AFMID: variants seen among roughly 807,000 people sequenced by gnomAD.
AFMID encodes the protein kynurenine formamidase.
A neutral mutation model predicts 47.5 loss-of-function variants in AFMID; 39 were observed. That is an observed-to-expected ratio of 0.82 (90% CI 0.64 to 1.07). The LOEUF is 1.07. AFMID is among the 50% of genes least tolerant of loss of function. The pLI, the probability that AFMID is intolerant of heterozygous loss-of-function variation, is 0.00. For missense variants in AFMID, 375 were observed against 387.5 expected, an observed-to-expected ratio of 0.97 and a Z score of 0.27; for synonymous variants, 130 against 153.2, an observed-to-expected ratio of 0.85 and a Z score of 1.12.
At chr17:78,193,391 A>T (rs1598991524) in intron 2 of AFMID, among the ~76,000 whole-genome samples, 1 of 135,368 alleles carries the variant, frequency 7.4e-6, no homozygotes, top group East Asian at 2.1e-4. Context: ...AAAAAAAAAA[A>T]AAAAAAAGCT....
At chr17:78,190,218 C>T (rs766826877) in intron 1 of AFMID, among the ~76,000 whole-genome samples, 1 of 151,866 alleles carries the variant, frequency 6.6e-6, no homozygotes, top group Non-Finnish European at 1.5e-5. Flanking sequence ...GTTAGCCCGA[C>T]ATTCACCGCC....
rs750525725 is a variant in AFMID at position 78,206,972 on chromosome 17, C to G, written c.*35C>G. ...TACTTGGAGCCTGGTCCACGTGCAT[C>G]CCACCTTGGGAAGCCTCTCCAAAGA... is the stretch of plus-strand genomic sequence containing the variant. On this transcript the variant is annotated 3_prime_UTR_variant, in exon 11 of 11. Transcript: ENST00000409257. The G allele has an allele frequency of 2.5e-5, 41 of 1,611,600 alleles. No homozygotes were observed. Among genetic ancestry groups the G allele is most frequent in the Non-Finnish European group, 3.4e-5 (40 of 1,177,872 alleles).
chr17:78,205,744 C>G lies in AFMID; in HGVS notation c.780+6C>G, dbSNP rs1194483665. 1 of 1,608,248 alleles carries G rather than the reference C, an allele frequency of 6.2e-7. No individual in the cohort carries two copies. The highest frequency in any genetic ancestry group is 8.5e-7 in the Non-Finnish European group (1 of 1,179,996). ...AGTCCTGGGAGTTTTACCAGGTACTCCCAGTGCAGGTTTGTGGCCAGAGGT... is the reference window on the plus strand; with the variant it reads ...AGTCCTGGGAGTTTTACCAGGTACTGCCAGTGCAGGTTTGTGGCCAGAGGT... On this transcript the variant is annotated splice_donor_region_variant and intron_variant, in intron 9 of 10. Coordinates refer to ENST00000409257, the MANE Select transcript of AFMID (RefSeq NM_001010982.5).
chr17:78,189,219 C>CTTT (rs770863206), intron 1 of AFMID, among the ~76,000 whole-genome samples: 8,255 of 122,602 alleles, frequency 0.067, 784 homozygotes, highest in East Asian at 0.2. Flanking sequence ...TTCCTTGTTA[C>CTTT]TTTTTTTTTT....
intron 7 of AFMID, 24 bp downstream of exon 7, chr17:78,205,214 G>T (rs757948142): frequency 6.9e-6 from 11 of 1,597,284 alleles, no homozygotes; most frequent in Non-Finnish European, 9.4e-6. Flanking sequence ...CTACAGCCTG[G>T]CTGGGCAACC....
chr17:78,197,080 C>A, intron 2 of AFMID: 1 of 1,411,324 alleles, frequency 7.1e-7, no homozygotes, highest in Non-Finnish European at 9.8e-7. Context: ...GGCCATTCCA[C>A]TTAGAACATA....
Position 78,207,012 on chromosome 17 carries a change from C to T in AFMID, c.*75C>T. 8 of 1,492,420 alleles carry T rather than the reference C, an allele frequency of 5.4e-6. No homozygotes were observed. Among genetic ancestry groups the T allele is most frequent in the Middle Eastern group, 1.7e-4 (1 of 5,744 alleles). The allele number at this position is 1,492,420 out of a possible 1,614,324, so 92.4% of individuals were successfully genotyped here. A position where few individuals can be genotyped will look rare whatever the true frequency, so the allele number is the denominator to read the frequency against. On this transcript the variant is annotated 3_prime_UTR_variant, in exon 11 of 11. Transcript: ENST00000409257. ...CTCTCCAAAGAGCTTTCGGAGCTGA[C>T]ACTGACAGCTTCAGTTTCCCCCAGC...
Position 78,198,639 on chromosome 17 carries a change from C to CA in AFMID, c.155-3840dup, listed in dbSNP as rs57503318. Among the ~76,000 whole-genome samples the CA allele has an allele frequency of 5.3e-3, 617 of 116,710 alleles. 5 individuals are homozygous for CA. The highest frequency in any genetic ancestry group is 0.014 in the South Asian group (55 of 3,820). The allele number at this position is 116,710 out of a possible 152,430, so 76.6% of individuals were successfully genotyped here. On this transcript the variant is annotated intron_variant, in intron 2 of 10. Transcript: ENST00000409257. Reference sequence around the variant, plus strand: ...GGGTGACAAGAGCAAAGCTCTGTCTCAAAAAAAAAAAAAAAAAAAATTAGA... The same window carrying CA: ...GGGTGACAAGAGCAAAGCTCTGTCTCAAAAAAAAAAAAAAAAAAAAATTAGA...
At chr17:78,193,927 GA>G (rs2076041684) in intron 2 of AFMID, among the ~76,000 whole-genome samples, 1 of 147,862 alleles carries the variant, frequency 6.8e-6, no homozygotes, top group Admixed American at 6.8e-5. Flanking sequence ...AGTGAGCTGA[GA>G]TCATGCCACT....
chr17:78,187,536 T>G, intron 1 of AFMID, 103 bp downstream of exon 1: 1 of 1,357,392 alleles, frequency 7.4e-7, no homozygotes, highest in Non-Finnish European at 1.0e-6. Context: ...AGAGCACTCC[T>G]GTGGGCATGC....
chr17:78,202,935 T>G, intron 4 of AFMID, 184 bp downstream of exon 4: 1 of 689,892 alleles, frequency 1.4e-6, no homozygotes, highest in Non-Finnish European at 2.5e-6. Flanking sequence ...GGAGGGTCCT[T>G]CCTGCCTTCT....
chr17:78,205,078 T>G lies in AFMID; in HGVS notation c.468-15T>G. On this transcript the variant is annotated splice_polypyrimidine_tract_variant and intron_variant, in intron 6 of 10. Transcript: ENST00000409257. ...ACTGCGTGCAAATCCAGCTCTCTGC[T>G]CTGACCCCTCCCAGGGGAATTTACC... is the stretch of plus-strand genomic sequence containing the variant. 6.2e-7 allele frequency: 1 copy of G among 1,603,386 alleles called. No individual in the cohort carries two copies. Among genetic ancestry groups the G allele is most frequent in the African/African-American group, 1.3e-5 (1 of 74,838 alleles).
At chr17:78,202,067 A>G (rs1329481016) in intron 2 of AFMID, among the ~76,000 whole-genome samples, 1 of 151,894 alleles carries the variant, frequency 6.6e-6, no homozygotes, top group African/African-American at 2.4e-5. Flanking sequence ...TCAGAGCTGA[A>G]GCTCAACACG....
chr17:78,202,689 G>A lies in AFMID; in HGVS notation c.260-14G>A, dbSNP rs1363629554. On this transcript the variant is annotated splice_polypyrimidine_tract_variant and intron_variant, in intron 3 of 10. Transcript: ENST00000409257. Reference sequence around the variant, plus strand: ...GGCGGGCCTTGCTCACACGCCCTGTGCTTGGTTTTGCAGCCTTGCCTTTCT... The same window carrying A: ...GGCGGGCCTTGCTCACACGCCCTGTACTTGGTTTTGCAGCCTTGCCTTTCT... 1 of 1,562,832 alleles carries A rather than the reference G, an allele frequency of 6.4e-7. No individual in the cohort carries two copies. Among genetic ancestry groups the A allele is most frequent in the Non-Finnish European group, 8.7e-7 (1 of 1,153,568 alleles).
intron 4 of AFMID, 122 bp downstream of exon 4, chr17:78,202,873 TCA>T: frequency 1.7e-6 from 2 of 1,201,360 alleles, no homozygotes; most frequent in Non-Finnish European, 2.4e-6. Context: ...GGGCTGTGTC[TCA>T]CAGCGCTGGA....
At chr17:78,199,413 T>C (rs973131588) in intron 2 of AFMID, among the ~76,000 whole-genome samples, 2 of 150,716 alleles carry the variant, frequency 1.3e-5, no homozygotes, top group African/African-American at 2.4e-5. Flanking sequence ...TCTTGCTCTA[T>C]TGCCCAGGCT....
At chr17:78,201,313 A>G (rs1267500942) in intron 2 of AFMID, among the ~76,000 whole-genome samples, 2 of 150,794 alleles carry the variant, frequency 1.3e-5, no homozygotes, top group East Asian at 2.0e-4. Context: ...AAAACGATGA[A>G]TGCTAGGATA....
At chr17:78,202,431 A>G (rs1405183513) in intron 2 of AFMID, 68 bp from the exon 3 acceptor site, 1 of 1,530,568 alleles carries the variant, frequency 6.5e-7, no homozygotes, top group Non-Finnish European at 9.0e-7. Context: ...TTCGTCTCAA[A>G]AAAAAGAAAA....
Position 78,188,156 on chromosome 17 carries a change from C to CA in AFMID, c.63+734dup, listed in dbSNP as rs1037796020. 5.7e-4 allele frequency among the ~76,000 whole-genome samples: 75 copies of CA among 131,936 alleles called. No homozygotes were observed. The East Asian group carries it at 6.4e-3, about 11-fold the overall frequency. The allele number at this position is 131,936 out of a possible 152,430, so 86.6% of individuals were successfully genotyped here. A position where few individuals can be genotyped will look rare whatever the true frequency, so the allele number is the denominator to read the frequency against. Reference sequence around the variant, plus strand: ...AACATACAGGCCGGGTGCGGTGGCTCAAAAAAAAAAAGAAAGAAAGAAAAG... The same window carrying CA: ...AACATACAGGCCGGGTGCGGTGGCTCAAAAAAAAAAAAGAAAGAAAGAAAAG... On this transcript the variant is annotated intron_variant, in intron 1 of 10. Coordinates refer to ENST00000409257, the MANE Select transcript of AFMID (RefSeq NM_001010982.5).
Sources: gnomAD v4.1 joint callset for allele counts (sites outside exome capture counted in the v4.1 genomes callset) on GRCh38, gnomAD v4.1.1 for gene constraint, MANE v1.5 for transcripts, NCBI Gene and HGNC (gene_info 2026-07-23, HGNC 2026-07-21) for gene names.